Variants in SLCO1B3 observed in about 807,000 individuals in gnomAD.
The protein encoded by SLCO1B3 is solute carrier organic anion transporter family member 1B3.
A neutral mutation model predicts 71.8 loss-of-function variants in SLCO1B3; 72 were observed. The observed-to-expected ratio is 1.00, with a 90% CI of 0.83 to 1.22. SLCO1B3 has a LOEUF of 1.22. SLCO1B3 is among the 50% of genes most tolerant of loss of function. The pLI is 0.00. For synonymous variants in SLCO1B3, 298 were observed against 278.4 expected (o/e 1.07, Z -0.70); for missense variants, 911 against 819.7 (o/e 1.11, Z -1.36).
chr12:20,846,627 A>G (rs1431216670), intron 3 of SLCO1B3, among the ~76,000 whole-genome samples: 1 of 152,212 alleles, frequency 6.6e-6, no homozygotes, highest in Non-Finnish European at 1.5e-5. Context: ...GGGGATAACC[A>G]GAATAACATA....
In SLCO1B3 at chr12:20,845,519, T is replaced by C. The variant is rs137858877; in HGVS notation, c.85-9509T>C. Among the ~76,000 whole-genome samples, 20 of 152,286 alleles carry C rather than the reference T, an allele frequency of 1.3e-4. No homozygotes were observed. In the East Asian group the frequency reaches 3.9e-3, roughly 29 times the overall value. ...GCAAGGATATAGATGCTTCAGTTTGTTCTTTTGTGTTAAATGTTTACAAGG... is the reference window on the plus strand; with the variant it reads ...GCAAGGATATAGATGCTTCAGTTTGCTCTTTTGTGTTAAATGTTTACAAGG... On this transcript the variant is annotated intron_variant, in intron 3 of 15. Transcript: ENST00000381545.
intron 13 of SLCO1B3, among the ~76,000 whole-genome samples, chr12:20,890,640 T>C (rs1379610727): frequency 6.6e-6 from 1 of 152,184 alleles, no homozygotes; most frequent in East Asian, 1.9e-4. Flanking sequence ...TACTGTTGTA[T>C]TGCTATCTAT....
chr12:20,876,912 C>T (rs888478967), intron 9 of SLCO1B3, among the ~76,000 whole-genome samples: 6 of 152,104 alleles, frequency 3.9e-5, no homozygotes, highest in East Asian at 1.9e-4. Context: ...CTCACTGCAA[C>T]CTCCACCTCC....
intron 12 of SLCO1B3, among the ~76,000 whole-genome samples, chr12:20,881,226 T>C (rs1865688555): frequency 6.6e-6 from 1 of 152,172 alleles, no homozygotes; most frequent in Non-Finnish European, 1.5e-5. Context: ...CAGACTTCTC[T>C]GTTACTTGAA....
chr12:20,847,023 A>C (rs867164388), intron 3 of SLCO1B3, among the ~76,000 whole-genome samples: 1 of 152,144 alleles, frequency 6.6e-6, no homozygotes, highest in Non-Finnish European at 1.5e-5. Context: ...GGAGGTTGGT[A>C]GTTCACAATT....
At chr12:20,863,004 T>TA in intron 8 of SLCO1B3, 150 bp downstream of exon 8, 1 of 445,830 alleles carries the variant, frequency 2.2e-6, no homozygotes, top group Non-Finnish European at 3.9e-6. Context: ...ATAATCAGAA[T>TA]AAAAAAGAAA....
chr12:20,892,740 A>G (rs1182691019), intron 13 of SLCO1B3, among the ~76,000 whole-genome samples: 2 of 152,184 alleles, frequency 1.3e-5, no homozygotes, highest in African/African-American at 4.8e-5. Flanking sequence ...TGAACTAGTA[A>G]TCCTGAAGAT....
rs1275806416 is a variant in SLCO1B3 at position 20,916,106 on chromosome 12, C to T, written c.1968C>T (p.Thr656=). 6.2e-7 allele frequency: 1 copy of T among 1,612,852 alleles called. No homozygotes were observed. Among genetic ancestry groups the T allele is most frequent in the Non-Finnish European group, 8.5e-7 (1 of 1,179,314 alleles). The part of the protein sequence containing the change: ...AMKKKFQGKD[T]KASDNERKVM... ...AGAAAAAATTTCAAGGAAAAGATAC[C>T]AAGGCATCGGACAATGAAAGAAAAG... is the stretch of plus-strand genomic sequence containing the variant. Residue 656 remains threonine (T), a synonymous_variant, in exon 16 of 16, where the codon ACC becomes ACT. Coordinates refer to ENST00000381545, the MANE Select transcript of SLCO1B3 (RefSeq NM_019844.4).
intron 15 of SLCO1B3, 25 bp from the exon 16 acceptor site, chr12:20,915,979 G>T (rs1190730447): frequency 8.4e-6 from 13 of 1,539,084 alleles, no homozygotes; most frequent in South Asian, 2.4e-5. Context: ...AATAATAATC[G>T]ACTCTCTATT....
At chr12:20,816,974 T>G (rs1864205884) in intron 3 of SLCO1B3, among the ~76,000 whole-genome samples, 1 of 152,232 alleles carries the variant, frequency 6.6e-6, no homozygotes, top group South Asian at 2.1e-4. Flanking sequence ...CTTCTTCCTA[T>G]GCCTGTGTGC....
intron 10 of SLCO1B3, among the ~76,000 whole-genome samples, chr12:20,878,722 C>T (rs1324771549): frequency 1.3e-5 from 2 of 152,108 alleles, no homozygotes; most frequent in African/African-American, 4.8e-5. Flanking sequence ...CTCCCAATAA[C>T]CTGGCTTGAA....
At chr12:20,816,459 T>A (rs985871246) in intron 3 of SLCO1B3, among the ~76,000 whole-genome samples, 1 of 152,234 alleles carries the variant, frequency 6.6e-6, no homozygotes, top group African/African-American at 2.4e-5. Flanking sequence ...ATGCAATGTT[T>A]GTCTTTCTGT....
At chr12:20,875,169 T>C in intron 8 of SLCO1B3, 66 bp from the exon 9 acceptor site, 26 of 1,559,436 alleles carry the variant, frequency 1.7e-5, no homozygotes, top group East Asian at 2.2e-5. Flanking sequence ...TCATTATCAT[T>C]ATTTCCCAGA....
At chr12:20,832,972 C>G (rs1864575663) in intron 3 of SLCO1B3, among the ~76,000 whole-genome samples, 1 of 152,152 alleles carries the variant, frequency 6.6e-6, no homozygotes, top group African/African-American at 2.4e-5. Flanking sequence ...GATCTAAAAT[C>G]CAGAAATCAG....
At chr12:20,840,858 A>G (rs1257382826) in intron 3 of SLCO1B3, among the ~76,000 whole-genome samples, 1 of 152,120 alleles carries the variant, frequency 6.6e-6, no homozygotes, top group African/African-American at 2.4e-5. Flanking sequence ...CAAGTCTCAT[A>G]ATCCCTATTA....
intron 6 of SLCO1B3, 126 bp from the exon 7 acceptor site, chr12:20,862,286 A>G (rs1276424811): frequency 4.5e-6 from 5 of 1,109,186 alleles, no homozygotes; most frequent in South Asian, 1.6e-5. Context: ...TAAAGTGAAT[A>G]TGAATCACTT....
At chr12:20,914,005 T>G (rs1233596497) in intron 15 of SLCO1B3, among the ~76,000 whole-genome samples, 3 of 152,090 alleles carry the variant, frequency 2.0e-5, no homozygotes, top group Non-Finnish European at 4.4e-5. Context: ...CTCACTTGAT[T>G]CTCCCATCTT....
chr12:20,877,620 CAT>C, intron 9 of SLCO1B3, 150 bp from the exon 10 acceptor site: 3 of 299,918 alleles, frequency 1.0e-5, no homozygotes, highest in Non-Finnish European at 1.7e-5. Flanking sequence ...GGTTAATTCA[CAT>C]GTTCCATTTA....
chr12:20,880,722 T>A (rs1156900445), intron 11 of SLCO1B3, 133 bp from the exon 12 acceptor site: 3 of 558,216 alleles, frequency 5.4e-6, no homozygotes, highest in Non-Finnish European at 8.6e-6. Context: ...CCCTTTCTCT[T>A]ATTTCTCTTC....
Sources: gnomAD v4.1 joint callset for allele counts (sites outside exome capture counted in the v4.1 genomes callset) on GRCh38, gnomAD v4.1.1 for gene constraint, MANE v1.5 for transcripts, NCBI Gene and HGNC (gene_info 2026-07-23, HGNC 2026-07-21) for gene names.